Variants in EVL observed in about 807,000 individuals in gnomAD.
EVL encodes ena/VASP-like protein.
EVL carries 21 observed loss-of-function variants against 59.6 expected under a neutral mutation model. The observed-to-expected ratio is 0.35, with a 90% CI of 0.25 to 0.51. The LOEUF (loss-of-function observed/expected upper bound fraction) is 0.51. Ranked by LOEUF, EVL falls within the 20% of genes least tolerant of loss-of-function variation. The probability of loss-of-function intolerance (pLI) is 0.97; values close to 1 mark genes in which losing one functional copy is unlikely to be tolerated. For missense variants in EVL, 462 were observed against 546.6 expected, an observed-to-expected ratio of 0.85 and a Z score of 1.54; for synonymous variants, 198 against 203.5, an observed-to-expected ratio of 0.97 and a Z score of 0.23.
At chr14:100,027,228 G>A (rs1023985317) in intron 1 of EVL, among the ~76,000 whole-genome samples, 5 of 152,056 alleles carry the variant, frequency 3.3e-5, no homozygotes, top group African/African-American at 7.2e-5. Context: ...CATCTCAAGC[G>A]TTTATCATTT....
chr14:100,086,009 G>A (rs995310664), intron 2 of EVL, among the ~76,000 whole-genome samples: 5 of 152,130 alleles, frequency 3.3e-5, no homozygotes, highest in Admixed American at 6.5e-5. Flanking sequence ...GGCACCTGTA[G>A]TCCCAGCTAC....
At chr14:100,055,473 A>G (rs902369834) in intron 1 of EVL, among the ~76,000 whole-genome samples, 2 of 152,188 alleles carry the variant, frequency 1.3e-5, no homozygotes, top group Non-Finnish European at 2.9e-5. Context: ...CATTTTTCCA[A>G]AGAAGGTCTG....
At chr14:100,016,855 C>G (rs1307319886) in intron 1 of EVL, among the ~76,000 whole-genome samples, 2 of 152,150 alleles carry the variant, frequency 1.3e-5, no homozygotes, top group Non-Finnish European at 2.9e-5. Flanking sequence ...TTTTTTTTAG[C>G]CCTGGCAGGT....
Position 100,047,114 on chromosome 14 carries a change from C to T in EVL, c.6-37573C>T, listed in dbSNP as rs1478642378. On this transcript the variant is annotated intron_variant, in intron 1 of 13. Transcript: ENST00000402714. Reference sequence around the variant, plus strand: ...ATTTTGAGACCTTGGGCAGATCTCTCTCTCTTTTTTTTTTTTTTTTTTTTT... The same window carrying T: ...ATTTTGAGACCTTGGGCAGATCTCTTTCTCTTTTTTTTTTTTTTTTTTTTT... Among the ~76,000 whole-genome samples the T allele has an allele frequency of 1.9e-4, 18 of 95,104 alleles. 1 individual carries two copies. In the South Asian group the frequency reaches 4.2e-3, roughly 22 times the overall value. The allele number at this position is 95,104 out of a possible 152,430, so 62.4% of individuals were successfully genotyped here.
At chr14:100,022,119 A>C (rs2061135441) in intron 1 of EVL, among the ~76,000 whole-genome samples, 1 of 152,068 alleles carries the variant, frequency 6.6e-6, no homozygotes, top group East Asian at 1.9e-4. Flanking sequence ...AAACTTTATG[A>C]ATTACAGCAG....
intron 1 of EVL, among the ~76,000 whole-genome samples, chr14:100,047,361 A>G (rs1162620752): frequency 2.0e-5 from 3 of 151,872 alleles, no homozygotes; most frequent in East Asian, 3.9e-4. Flanking sequence ...TAGCCTATCT[A>G]TCTCTGGACT....
chr14:100,112,117 C>G lies in EVL; in HGVS notation c.359-11422C>G, dbSNP rs115665517. ...TTTCTTTCCTAAGGAAGGAGTTTTACAAGTAGCCTCCTGCCAGCTTCAGCT... is the reference window on the plus strand; with the variant it reads ...TTTCTTTCCTAAGGAAGGAGTTTTAGAAGTAGCCTCCTGCCAGCTTCAGCT... On this transcript the variant is annotated intron_variant, in intron 3 of 13. Transcript: ENST00000392920. Among the ~76,000 whole-genome samples, 1,212 of 152,278 alleles carry G rather than the reference C, an allele frequency of 8.0e-3. 7 individuals are homozygous for G. Among genetic ancestry groups the G allele is most frequent in the African/African-American group, 0.028 (1,150 of 41,566 alleles).
At chr14:100,046,573 G>A (rs777764939) in intron 1 of EVL, among the ~76,000 whole-genome samples, 3 of 151,886 alleles carry the variant, frequency 2.0e-5, no homozygotes, top group Non-Finnish European at 4.4e-5. Context: ...AGTCTGAGGT[G>A]GGAGGGTTGC....
chr14:99,979,694 C>G lies in EVL; in HGVS notation c.5+7637C>G, dbSNP rs1393478497. On this transcript the variant is annotated intron_variant, in intron 1 of 13. Transcript: ENST00000402714. ...ACCATCCTGGCTAATATGGTGAAAC[C>G]CCATCTCTACGAAAAGTACAAAAAA... is the stretch of plus-strand genomic sequence containing the variant. Among the ~76,000 whole-genome samples the G allele has an allele frequency of 2.0e-5, 3 of 151,832 alleles. No homozygotes were observed. The East Asian group carries it at 5.8e-4, about 29-fold the overall frequency.
At chr14:100,100,040 T>C (rs1217395065) in intron 3 of EVL, among the ~76,000 whole-genome samples, 1 of 149,992 alleles carries the variant, frequency 6.7e-6, no homozygotes, top group Non-Finnish European at 1.5e-5. Context: ...GAGCAAGTGC[T>C]TAAATTAAAT....
intron 1 of EVL, among the ~76,000 whole-genome samples, chr14:100,051,238 G>A (rs1566985741): frequency 6.6e-6 from 1 of 152,200 alleles, no homozygotes; most frequent in Admixed American, 6.5e-5. Flanking sequence ...GCTCCGTCCT[G>A]ACTAGACATG....
rs1065377 is a variant in EVL, at chr14:100,144,059, C to T, written c.*321C>T. 2.5e-6 allele frequency: 1 copy of T among 395,764 alleles called. No homozygotes were observed. Among genetic ancestry groups the T allele is most frequent in the Non-Finnish European group, 4.6e-6 (1 of 218,378 alleles). 24.5% of individuals were successfully genotyped at this position (395,764 alleles called of 1,614,324 possible). On this transcript the variant is annotated 3_prime_UTR_variant, in exon 14 of 14. Coordinates refer to ENST00000392920, the MANE Select transcript of EVL (RefSeq NM_016337.3). Reference sequence around the variant, plus strand: ...CTTCATTAGACGGTTTCCAGGTTTTCTCCCAGGTGACGCTGTTAGCGCCTC... The same window carrying T: ...CTTCATTAGACGGTTTCCAGGTTTTTTCCCAGGTGACGCTGTTAGCGCCTC...
At chr14:100,026,202 G>C (rs745479867) in intron 1 of EVL, among the ~76,000 whole-genome samples, 2 of 147,774 alleles carry the variant, frequency 1.4e-5, no homozygotes, top group Admixed American at 6.8e-5. Flanking sequence ...AGTGAGCCAA[G>C]ATCATGCCAC....
intron 1 of EVL, among the ~76,000 whole-genome samples, chr14:99,990,258 C>T (rs2060866689): frequency 6.6e-6 from 1 of 152,178 alleles, no homozygotes; most frequent in Non-Finnish European, 1.5e-5. Flanking sequence ...CATCTTCTGG[C>T]ATATACTAGG....
At chr14:100,096,168 T>C (rs1336176550) in intron 2 of EVL, among the ~76,000 whole-genome samples, 2 of 152,258 alleles carry the variant, frequency 1.3e-5, no homozygotes, top group Non-Finnish European at 2.9e-5. Flanking sequence ...TCATGTTTGC[T>C]GTCCTCTGGC....
intron 1 of EVL, among the ~76,000 whole-genome samples, chr14:100,024,153 T>A (rs1200786708): frequency 6.6e-6 from 1 of 152,256 alleles, no homozygotes; most frequent in Non-Finnish European, 1.5e-5. Context: ...GTTTTATTTT[T>A]AAACAAAAAC....
At position 100,114,422 on chromosome 14, in the gene EVL, G is replaced by A. The variant is rs899353878; in HGVS notation, c.359-9117G>A. 6.6e-6 allele frequency: 1 copy of A among 152,554 alleles called. No individual in the cohort carries two copies. The highest frequency in any genetic ancestry group is 1.9e-4 in the East Asian group (1 of 5,148). The allele number at this position is 152,554 out of a possible 1,614,324, so 9.5% of individuals were successfully genotyped here. ...TGAGCTGAGCCCCACAAGGGGTCTGGACAGTCCTCCAGGGCCAGGGCCCTG... is the reference window on the plus strand; with the variant it reads ...TGAGCTGAGCCCCACAAGGGGTCTGAACAGTCCTCCAGGGCCAGGGCCCTG... On this transcript the variant is annotated intron_variant, in intron 3 of 13. Coordinates refer to ENST00000392920, the MANE Select transcript of EVL (RefSeq NM_016337.3). The surrounding 1 kb of genome is among the most constrained non-coding windows in gnomAD (Gnocchi z 5.0).
intron 1 of EVL, among the ~76,000 whole-genome samples, chr14:100,068,181 C>T (rs754106414): frequency 6.6e-6 from 1 of 152,110 alleles, no homozygotes; most frequent in Non-Finnish European, 1.5e-5. Context: ...GGACATGAGG[C>T]AGCCATGCTA....
At chr14:100,139,338 C>T (rs1309084024) in intron 11 of EVL, 1 of 152,294 alleles carries the variant, frequency 6.6e-6, no homozygotes, top group African/African-American at 2.4e-5. Context: ...TTTCAGATGA[C>T]TTCAAGGGGA....
Sources: gnomAD v4.1 joint callset for allele counts (sites outside exome capture counted in the v4.1 genomes callset) on GRCh38, gnomAD v4.1.1 for gene constraint, Gnocchi (gnomAD v3.1) non-coding constraint, MANE v1.5 for transcripts, NCBI Gene and HGNC (gene_info 2026-07-23, HGNC 2026-07-21) for gene names.